Variants in RUVBL1 observed in about 807,000 individuals in gnomAD.
RUVBL1 encodes ruvB-like 1.
In RUVBL1, 4 loss-of-function variants were observed where a neutral mutation model predicts 52.4. That is an observed-to-expected ratio of 0.08 (90% CI 0.04 to 0.17). The LOEUF is 0.17. Ranked by LOEUF, RUVBL1 falls within the 10% of genes least tolerant of loss-of-function variation. The pLI, the probability that RUVBL1 is intolerant of heterozygous loss-of-function variation, is 1.00. For missense variants in RUVBL1, 298 were observed against 572.8 expected (o/e 0.52, Z 4.90); for synonymous variants, 217 against 214.4 (o/e 1.01, Z -0.10).
chr3:128,071,095 C>T (rs2107656806), intron 9 of RUVBL1: 1 of 152,512 alleles, frequency 6.6e-6, no homozygotes, highest in East Asian at 1.9e-4. Flanking sequence ...CACAGGGCCA[C>T]CGCCACAGCC....
intron 9 of RUVBL1, among the ~76,000 whole-genome samples, chr3:128,087,452 A>G (rs1250614874): frequency 6.6e-6 from 1 of 152,244 alleles, no homozygotes; most frequent in Non-Finnish European, 1.5e-5. Context: ...AAGGGGGAAC[A>G]GCAGAAAAGC....
rs144593743 is a variant in RUVBL1, at chr3:128,119,426, A to G, written c.142-12T>C. Reference sequence around the variant, plus strand: ...ATGACGCCACATGCCTACACACCACAATGGAAAGAAATAATAAATCAATAT... The same window carrying G: ...ATGACGCCACATGCCTACACACCACGATGGAAAGAAATAATAAATCAATAT... On this transcript the variant is annotated splice_polypyrimidine_tract_variant and intron_variant, in intron 1 of 10. Transcript: ENST00000322623. 9.6e-4 allele frequency: 1,535 copies of G among 1,592,668 alleles called. 10 individuals are homozygous for G. Among genetic ancestry groups the G allele is most frequent in the Non-Finnish European group, 4.5e-4 (520 of 1,163,794 alleles).
chr3:128,101,491 C>T (rs1943107234), intron 5 of RUVBL1, 68 bp downstream of exon 5: 1 of 1,460,162 alleles, frequency 6.8e-7, no homozygotes, highest in Admixed American at 1.7e-5. Flanking sequence ...AAAGCAACTC[C>T]CTTGTCACTT....
Position 128,153,694 on chromosome 3 carries a change from C to T in RUVBL1, c.-531G>A, listed in dbSNP as rs1003961919. 5.0e-6 allele frequency: 8 copies of T among 1,589,304 alleles called. No individual in the cohort carries two copies. In the Admixed American group the frequency reaches 1.4e-4, roughly 27 times the overall value. ...GTGCTTCTCGGTGCCGCTGCCCGCGCGCCTGCGGTCGTCTTTGCCCGAGTT... is the reference window on the plus strand; with the variant it reads ...GTGCTTCTCGGTGCCGCTGCCCGCGTGCCTGCGGTCGTCTTTGCCCGAGTT... On this transcript the variant is annotated 5_prime_UTR_variant, in exon 1 of 10. Transcript: ENST00000464873.
exon 10 of RUVBL1, chr3:128,064,793 CTTT>C: frequency 3.1e-6 from 4 of 1,288,220 alleles, no homozygotes; most frequent in Non-Finnish European, 3.2e-6. Context: ...TTGTTTTCCT[CTTT>C]TTATTTGTCT....
At chr3:128,077,569 G>A (rs375388909), downstream of RUVBL1, among the ~76,000 whole-genome samples, 25 of 152,302 alleles carry the variant, frequency 1.6e-4, no homozygotes, top group South Asian at 4.6e-3. Flanking sequence ...TGGTCATTTC[G>A]CCCCCTCTGG....
At chr3:128,152,887 C>CCCCCCCCCCCCCCCCCCCCCCCCA (rs1559843116) in intron 1 of RUVBL1, among the ~76,000 whole-genome samples, 1 of 11,692 alleles carries the variant, frequency 8.6e-5, no homozygotes, top group Non-Finnish European at 1.9e-4. Context: ...TATTTGCCCC[C>CCCCCCCCCCCCCCCCCCCCCCCCA]TCCCCCACGT....
At chr3:128,083,694 C>T (rs1942550724) in intron 9 of RUVBL1, 1 of 152,352 alleles carries the variant, frequency 6.6e-6, no homozygotes, top group African/African-American at 2.4e-5. Context: ...GGAGGCAGCC[C>T]CTCCACCCGC....
intron 4 of RUVBL1, among the ~76,000 whole-genome samples, chr3:128,104,089 G>T (rs1261428703): frequency 2.0e-5 from 3 of 152,330 alleles, no homozygotes; most frequent in Non-Finnish European, 4.4e-5. Context: ...ATGCCACACA[G>T]TTGTAAGTAA....
Position 128,096,552 on chromosome 3 carries a change from C to T in RUVBL1, c.1016+748G>A, listed in dbSNP as rs189642204. 5.0e-4 allele frequency among the ~76,000 whole-genome samples: 76 copies of T among 152,234 alleles called. 1 individual carries two copies. Among genetic ancestry groups the T allele is most frequent in the African/African-American group, 1.8e-3 (75 of 41,546 alleles). On this transcript the variant is annotated intron_variant, in intron 8 of 10. Transcript: ENST00000322623. ...ATAGAAAGAAAATGCTGGGGCCGGG[C>T]GTGGTGGTTCATGCCTGTAATCCCA...
chr3:128,142,061 G>A (rs569338573), intron 1 of RUVBL1: 2 of 152,364 alleles, frequency 1.3e-5, no homozygotes, highest in African/African-American at 4.8e-5. Flanking sequence ...ATTGGGCTGG[G>A]GACAGAGGTC....
chr3:128,066,794 GT>G, intron 9 of RUVBL1: 1 of 648,448 alleles, frequency 1.5e-6, no homozygotes. Flanking sequence ...GCAGTGGTGG[GT>G]AAGGAGTGGG....
intron 9 of RUVBL1, among the ~76,000 whole-genome samples, chr3:128,072,583 C>T (rs781367617): frequency 1.4e-4 from 22 of 152,242 alleles, no homozygotes; most frequent in South Asian, 2.1e-4. Context: ...GTCTGCCCCG[C>T]GCTCCCTCTG....
Position 128,081,095 on chromosome 3 carries a change from A to G in RUVBL1, c.*155T>C. 9.2e-6 allele frequency: 6 copies of G among 653,852 alleles called. No individual in the cohort carries two copies. In the East Asian group the frequency reaches 1.4e-4, roughly 15 times the overall value. 40.5% of individuals were successfully genotyped at this position (653,852 alleles called of 1,614,324 possible). ...AAGCAACCACAGGAACAGTTACGAT[A>G]ACTTAAAAAGAAATGCTTTCCACAC... On this transcript the variant is annotated 3_prime_UTR_variant, in exon 11 of 11. Coordinates refer to ENST00000322623, the MANE Select transcript of RUVBL1 (RefSeq NM_003707.3). The surrounding 1 kb of genome is among the most constrained non-coding windows in gnomAD (Gnocchi z 4.8).
chr3:128,100,922 C>G (rs1943095620), intron 5 of RUVBL1, among the ~76,000 whole-genome samples, 178 bp from the exon 6 acceptor site: 1 of 152,220 alleles, frequency 6.6e-6, no homozygotes, highest in African/African-American at 2.4e-5. Flanking sequence ...CTGCTCATCG[C>G]TGGGCTCCAA....
upstream of RUVBL1, among the ~76,000 whole-genome samples, chr3:128,125,164 A>G (rs1387221223): frequency 6.6e-6 from 1 of 150,742 alleles, no homozygotes; most frequent in Admixed American, 6.6e-5. Context: ...ACAGGCGCCC[A>G]CCATCACGCC....
rs1942490956 is a variant in RUVBL1 at position 128,082,047 on chromosome 3, C to T, written c.1211+436G>A. ...ATGTCTGCGCTCCTCCCTGGCTCTCCATATCCACCACCCAGACATTTTTTA... is the reference window on the plus strand; with the variant it reads ...ATGTCTGCGCTCCTCCCTGGCTCTCTATATCCACCACCCAGACATTTTTTA... On this transcript the variant is annotated intron_variant, in intron 10 of 10. Transcript: ENST00000322623. The surrounding 1 kb of genome is among the most constrained non-coding windows in gnomAD (Gnocchi z 4.7). The T allele has an allele frequency of 5.6e-6, 1 of 177,066 alleles. No individual in the cohort carries two copies. Among genetic ancestry groups the T allele is most frequent in the Non-Finnish European group, 1.2e-5 (1 of 82,200 alleles). 11.0% of individuals were successfully genotyped at this position (177,066 alleles called of 1,614,324 possible). A position where few individuals can be genotyped will look rare whatever the true frequency, so the allele number is the denominator to read the frequency against.
intron 9 of RUVBL1, chr3:128,068,563 C>T: frequency 6.3e-6 from 1 of 158,272 alleles, no homozygotes; most frequent in Non-Finnish European, 1.4e-5. Context: ...AGGGATGGAG[C>T]CTGCAGTCTC....
chr3:128,102,739 CT>C (rs1422816799), intron 4 of RUVBL1, among the ~76,000 whole-genome samples: 11 of 152,184 alleles, frequency 7.2e-5, no homozygotes, highest in Non-Finnish European at 4.4e-5. Flanking sequence ...TGAAAATGTT[CT>C]GAAATTAAGA....
Sources: allele counts gnomAD v4.1 joint callset (sites outside exome capture counted in the v4.1 genomes callset), GRCh38; gene constraint gnomAD v4.1.1; non-coding constraint Gnocchi (gnomAD v3.1); transcripts MANE v1.5; gene names NCBI Gene and HGNC (gene_info 2026-07-23, HGNC 2026-07-21).